DSCAM: variants seen among roughly 807,000 people sequenced by gnomAD.
The protein encoded by DSCAM is DS cell adhesion molecule, also known as cell adhesion molecule DSCAM.
DSCAM carries 47 observed loss-of-function variants against 217.7 expected under a neutral mutation model. The ratio of observed to expected loss-of-function variants is 0.22; its 90% CI spans 0.17 to 0.28. The LOEUF (loss-of-function observed/expected upper bound fraction) is 0.28. Among genes scored for constraint, DSCAM ranks in the 10% least tolerant of loss-of-function variants. DSCAM has a pLI of 1.00. For synonymous variants in DSCAM, 1,056 were observed against 1,015.3 expected, an observed-to-expected ratio of 1.04 and a Z score of -0.76; for missense variants, 2,080 against 2,618.3, an observed-to-expected ratio of 0.79 and a Z score of 4.49.
At chr21:40,498,642 ATATAGT>A (rs555603708) in intron 3 of DSCAM, among the ~76,000 whole-genome samples, 8,016 of 130,454 alleles carry the variant, frequency 0.061, 477 homozygotes, top group Middle Eastern at 0.11. Context: ...ATATATATAT[ATATAGT>A]GTGTGTGTAT....
chr21:40,766,427 T>C (rs2091390083), intron 1 of DSCAM, among the ~76,000 whole-genome samples: 1 of 152,102 alleles, frequency 6.6e-6, no homozygotes, highest in Non-Finnish European at 1.5e-5. Flanking sequence ...GACACATAAC[T>C]AACTAAAATG....
chr21:40,414,698 T>C (rs2075354574), intron 3 of DSCAM, among the ~76,000 whole-genome samples: 1 of 152,200 alleles, frequency 6.6e-6, no homozygotes, highest in South Asian at 2.1e-4. Flanking sequence ...GCTATATAGG[T>C]ATGTCTCAAA....
intron 1 of DSCAM, among the ~76,000 whole-genome samples, chr21:40,768,410 C>G (rs1246234350): frequency 6.6e-6 from 1 of 151,480 alleles, no homozygotes; most frequent in Non-Finnish European, 1.5e-5. Context: ...TCCAAGTTTC[C>G]AAGTGATTTT....
intron 32 of DSCAM, among the ~76,000 whole-genome samples, chr21:40,023,037 T>G (rs1166242811): frequency 9.0e-6 from 1 of 111,276 alleles, no homozygotes; most frequent in Admixed American, 1.1e-4. Context: ...CCCACCCCAC[T>G]ACAGTCCCCA....
At chr21:40,422,175 T>C (rs2075430928) in intron 3 of DSCAM, among the ~76,000 whole-genome samples, 1 of 152,240 alleles carries the variant, frequency 6.6e-6, no homozygotes, top group Non-Finnish European at 1.5e-5. Context: ...TCCTTCTCAG[T>C]TCTGCATTCC....
At chr21:40,023,295 T>C (rs926564734) in intron 32 of DSCAM, among the ~76,000 whole-genome samples, 6 of 152,168 alleles carry the variant, frequency 3.9e-5, no homozygotes, top group Admixed American at 2.6e-4. Flanking sequence ...TGGTTCCAAG[T>C]CTTTGCTATT....
Position 40,042,519 on chromosome 21 carries a change from C to T in DSCAM, c.5538G>A (p.Gln1846=). The part of the protein sequence containing the change: ...ECFISDTSSE[Q]LTAGTNEYTD... Reference sequence around the variant, plus strand: ...TGTACTCATTTGTCCCTGCCGTCAACTGCTCCGATGACGTGTCTGATATGA... The same window carrying T: ...TGTACTCATTTGTCCCTGCCGTCAATTGCTCCGATGACGTGTCTGATATGA... Residue 1846 remains glutamine (Q), a synonymous_variant, in exon 32 of 33, where the codon CAG becomes CAA. Transcript: ENST00000400454. The T allele has an allele frequency of 1.2e-6, 2 of 1,614,220 alleles. No homozygotes were observed. Among genetic ancestry groups the T allele is most frequent in the East Asian group, 4.5e-5 (2 of 44,866 alleles).
At chr21:40,715,461 C>A (rs927920482) in intron 1 of DSCAM, among the ~76,000 whole-genome samples, 1 of 152,200 alleles carries the variant, frequency 6.6e-6, no homozygotes. Flanking sequence ...GAGAAAAATA[C>A]ATTTTGTACA....
intron 1 of DSCAM, among the ~76,000 whole-genome samples, chr21:40,767,888 T>TCTC (rs67078823): frequency 1.0e-3 from 153 of 150,924 alleles, no homozygotes; most frequent in East Asian, 2.9e-3. Context: ...TTTTCTCTCT[T>TCTC]TCTCTCTCTC....
intron 3 of DSCAM, among the ~76,000 whole-genome samples, chr21:40,394,359 G>A (rs1038770171): frequency 7.2e-5 from 11 of 152,198 alleles, no homozygotes; most frequent in African/African-American, 2.7e-4. Context: ...TACAATCTAG[G>A]CTTGCCTGAC....
At chr21:40,055,931 C>T in intron 28 of DSCAM, 91 bp from the exon 29 acceptor site, 1 of 894,878 alleles carries the variant, frequency 1.1e-6, no homozygotes, top group Non-Finnish European at 1.8e-6. Context: ...AGTTTATTGT[C>T]TAAATATACA....
At chr21:40,846,518 A>G (rs944745530) in intron 1 of DSCAM, 101 bp downstream of exon 1, 23 of 440,894 alleles carry the variant, frequency 5.2e-5, no homozygotes, top group African/African-American at 4.5e-4. Context: ...AAGCGGAAAA[A>G]GAAAGAAGAC....
chr21:40,462,308 T>C (rs1308807436), intron 3 of DSCAM, among the ~76,000 whole-genome samples: 1 of 152,110 alleles, frequency 6.6e-6, no homozygotes, highest in Non-Finnish European at 1.5e-5. Flanking sequence ...CACCTGAGAA[T>C]GGGTTAGCAA....
At chr21:40,666,991 C>G (rs548199444) in intron 3 of DSCAM, among the ~76,000 whole-genome samples, 136 of 152,278 alleles carry the variant, frequency 8.9e-4, no homozygotes, top group African/African-American at 3.1e-3. Flanking sequence ...CCTAGAGAAG[C>G]CTTTCTAGAA....
At chr21:40,457,064 T>C (rs2075769532) in intron 3 of DSCAM, among the ~76,000 whole-genome samples, 1 of 152,308 alleles carries the variant, frequency 6.6e-6, no homozygotes, top group Non-Finnish European at 1.5e-5. Flanking sequence ...AGGAATCAAA[T>C]AGATTCTTTA....
At chr21:40,298,688 T>C (rs1334268666) in intron 9 of DSCAM, among the ~76,000 whole-genome samples, 1 of 152,140 alleles carries the variant, frequency 6.6e-6, no homozygotes, top group Non-Finnish European at 1.5e-5. Flanking sequence ...GCCAAAATTA[T>C]TCTCTGCAGG....
rs755293581 is a variant in DSCAM, at chr21:40,544,397, G to A, written c.508+148413C>T. Among the ~76,000 whole-genome samples, 37 of 152,152 alleles carry A rather than the reference G, an allele frequency of 2.4e-4. 1 individual carries two copies. The highest frequency in any genetic ancestry group is 2.0e-3 in the Admixed American group (31 of 15,276). ...GACCTTATTTGAAAATAGGGTATTTGCAGATGTAATTAGTTAAGGACCTTC... is the reference window on the plus strand; with the variant it reads ...GACCTTATTTGAAAATAGGGTATTTACAGATGTAATTAGTTAAGGACCTTC... On this transcript the variant is annotated intron_variant, in intron 3 of 32. Transcript: ENST00000400454.
chr21:40,353,795 C>CA, intron 4 of DSCAM, 52 bp from the exon 5 acceptor site: 1 of 1,423,680 alleles, frequency 7.0e-7, no homozygotes, highest in Non-Finnish European at 9.2e-7. Context: ...TTGAAGTGGT[C>CA]ATTTAGAATT....
intron 1 of DSCAM, among the ~76,000 whole-genome samples, chr21:40,784,014 CAAATTTATA>C (rs1398880334): frequency 6.7e-6 from 1 of 150,216 alleles, no homozygotes; most frequent in African/African-American, 2.4e-5. Context: ...TCTTTTAAAA[CAAATTTATA>C]AAATAACTCA....
Sources: allele counts gnomAD v4.1 joint callset (sites outside exome capture counted in the v4.1 genomes callset), GRCh38; gene constraint gnomAD v4.1.1; transcripts MANE v1.5; gene names NCBI Gene and HGNC (gene_info 2026-07-23, HGNC 2026-07-21).